COL18A1: variants seen among roughly 807,000 people sequenced by gnomAD.
COL18A1 encodes collagen type XVIII alpha 1 chain, also known as collagen alpha-1(XVIII) chain.
A neutral mutation model predicts 168.0 loss-of-function variants in COL18A1; 133 were observed. The observed-to-expected ratio is 0.79, with a 90% CI of 0.69 to 0.91. The LOEUF (loss-of-function observed/expected upper bound fraction) is 0.91. Among genes scored for constraint, COL18A1 ranks in the 40% least tolerant of loss-of-function variants. COL18A1 has a pLI of 0.00. For synonymous variants in COL18A1, 949 were observed against 809.0 expected (o/e 1.17, Z -2.94); for missense variants, 2,126 against 1,925.4 (o/e 1.10, Z -1.95).
intron 15 of COL18A1, among the ~76,000 whole-genome samples, chr21:45,484,232 G>GTACACA (rs2036011603): frequency 8.3e-6 from 1 of 120,340 alleles, no homozygotes; most frequent in African/African-American, 3.3e-5. Flanking sequence ...CAGCATATGT[G>GTACACA]CACACACACC....
chr21:45,496,511 C>T lies in COL18A1; in HGVS notation c.2520C>T (p.Gly840=), dbSNP rs756624877. 9 of 1,464,750 alleles carry T rather than the reference C, an allele frequency of 6.1e-6. No individual in the cohort carries two copies. Among genetic ancestry groups the T allele is most frequent in the Admixed American group, 3.3e-5 (2 of 59,830 alleles). The allele number at this position is 1,464,750 out of a possible 1,614,324, so 90.7% of individuals were successfully genotyped here. ...TGCCCTCCCCACAGGGAATGCCCGG[C>T]CCCCCAGGACCTCCAGGGCCCCCAG... The part of the protein sequence containing the change: ...SLGFGMRGMP[G]PPGPPGPPGP... Residue 840 remains glycine, a synonymous_variant, in exon 30 of 42, where the codon GGC becomes GGT. Coordinates refer to ENST00000651438, the MANE Select transcript of COL18A1 (RefSeq NM_001379500.1).
chr21:45,431,354 C>T (rs1401045842), intron 2 of COL18A1, among the ~76,000 whole-genome samples: 2 of 149,452 alleles, frequency 1.3e-5, no homozygotes, highest in Non-Finnish European at 3.0e-5. Flanking sequence ...CCCGGCGGCC[C>T]AGGGGAGGGG....
At position 45,457,674 on chromosome 21, in the gene COL18A1, C is replaced by G. The variant is rs2034887937; in HGVS notation, c.107-10568C>G. Among the ~76,000 whole-genome samples, 1 of 152,212 alleles carries G rather than the reference C, an allele frequency of 6.6e-6. No individual in the cohort carries two copies. Among genetic ancestry groups the G allele is most frequent in the Non-Finnish European group, 1.5e-5 (1 of 68,038 alleles). ...ACGGGGCCCCTGAGCTGTGCCTGCCCCATTCAGATTCTGCTTGCTATGTGC... is the reference window on the plus strand; with the variant it reads ...ACGGGGCCCCTGAGCTGTGCCTGCCGCATTCAGATTCTGCTTGCTATGTGC... On this transcript the variant is annotated intron_variant, in intron 2 of 41. Transcript: ENST00000651438. This position sits in a 1 kb window ranked among gnomAD's most constrained non-coding sequence, Gnocchi z 4.6.
intron 2 of COL18A1, chr21:45,407,973 T>TCCCG (rs2033168894): frequency 6.6e-6 from 1 of 152,388 alleles, no homozygotes; most frequent in African/African-American, 2.4e-5. Context: ...CGAGAGACCC[T>TCCCG]CCCGCGTAGA....
intron 2 of COL18A1, among the ~76,000 whole-genome samples, chr21:45,441,704 C>T (rs1442663943): frequency 1.3e-5 from 2 of 152,054 alleles, no homozygotes; most frequent in Non-Finnish European, 2.9e-5. Context: ...CAACAGGTCT[C>T]CTCTGAGCAG....
chr21:45,456,747 C>T (rs1215926325), intron 2 of COL18A1: 2 of 1,538,252 alleles, frequency 1.3e-6, no homozygotes, highest in Non-Finnish European at 1.7e-6. Flanking sequence ...CCCGCCCCGC[C>T]ACCCTGCTGC....
chr21:45,511,672 C>T (rs927767462), intron 41 of COL18A1, among the ~76,000 whole-genome samples: 2 of 152,116 alleles, frequency 1.3e-5, no homozygotes, highest in African/African-American at 4.8e-5. Flanking sequence ...GTGCCCTCCC[C>T]ACGTGAGCGC....
chr21:45,418,741 C>A (rs11089002), intron 2 of COL18A1, among the ~76,000 whole-genome samples: 46,664 of 115,196 alleles, frequency 0.41, 6,987 homozygotes, highest in Middle Eastern at 0.52. Flanking sequence ...GGTCTCAGGG[C>A]AGCGGCACCT....
intron 22 of COL18A1, among the ~76,000 whole-genome samples, chr21:45,492,238 G>A (rs1472683910): frequency 6.6e-6 from 1 of 152,164 alleles, no homozygotes; most frequent in African/African-American, 2.4e-5. Flanking sequence ...AAAGCCTCCC[G>A]TAGGCCGAGC....
intron 29 of COL18A1, 149 bp downstream of exon 29, chr21:45,495,581 C>T (rs2036501012): frequency 1.5e-6 from 1 of 664,394 alleles, no homozygotes; most frequent in African/African-American, 2.2e-5. Flanking sequence ...ATGCCATACC[C>T]ATGCACAGTC....
In COL18A1 at chr21:45,471,055, C is replaced by T. The variant is rs1379352650; in HGVS notation, c.651+2269C>T. On this transcript the variant is annotated intron_variant, in intron 3 of 41. Coordinates refer to ENST00000651438, the MANE Select transcript of COL18A1 (RefSeq NM_001379500.1). The surrounding 1 kb of genome is among the most constrained non-coding windows in gnomAD (Gnocchi z 4.4). Reference sequence around the variant, plus strand: ...GCTGCTGGGTGTGGGTGGCGCGCTACGGGCCTTGTGCTGCTGGGCCTGGGT... The same window carrying T: ...GCTGCTGGGTGTGGGTGGCGCGCTATGGGCCTTGTGCTGCTGGGCCTGGGT... 7.5e-5 allele frequency among the ~76,000 whole-genome samples: 11 copies of T among 146,150 alleles called. No individual in the cohort carries two copies. The highest frequency in any genetic ancestry group is 6.5e-4 in the South Asian group (3 of 4,624).
chr21:45,432,346 C>T (rs1007641600), intron 2 of COL18A1, among the ~76,000 whole-genome samples: 7 of 152,316 alleles, frequency 4.6e-5, no homozygotes, highest in African/African-American at 1.4e-4. Context: ...AGGGACCCCC[C>T]ACTTCATGTT....
intron 29 of COL18A1, chr21:45,496,237 C>T (rs2036539396): frequency 7.4e-6 from 5 of 673,548 alleles, no homozygotes; most frequent in Non-Finnish European, 1.4e-5. Flanking sequence ...CACCTTTTTA[C>T]CTGAGACGCA....
In COL18A1 at chr21:45,505,246, G is replaced by GCCCCCCC; in HGVS notation, c.2981_2982insCCCCCCC (p.Ser997AlafsTer92). 4 of 1,605,420 alleles carry GCCCCCCC rather than the reference G, an allele frequency of 2.5e-6. No individual in the cohort carries two copies. The highest frequency in any genetic ancestry group is 2.7e-5 in the African/African-American group (2 of 74,896). On this transcript the variant is annotated frameshift_variant, in exon 35 of 42. Coordinates refer to ENST00000651438, the MANE Select transcript of COL18A1 (RefSeq NM_001379500.1). LOFTEE classifies it high-confidence loss of function. The stretch of plus-strand genomic sequence containing the variant: ...CCTCCCGGCCCCCCAGGCCCCCCAG[G>GCCCCCCC]GCCCCCTTCATTTCCTGGCCCTCAC...
chr21:45,430,651 T>G (rs970625671), intron 2 of COL18A1, among the ~76,000 whole-genome samples: 2 of 152,198 alleles, frequency 1.3e-5, no homozygotes, highest in Non-Finnish European at 2.9e-5. Context: ...CCCAAGAATG[T>G]GGAGATGGCG....
chr21:45,503,457 TA>T (rs1308734757), intron 32 of COL18A1, among the ~76,000 whole-genome samples: 1 of 152,048 alleles, frequency 6.6e-6, no homozygotes, highest in Non-Finnish European at 1.5e-5. Context: ...TACGCAGCCA[TA>T]AAAAATGATG....
In COL18A1 at chr21:45,462,054, G is replaced by GT. The variant is rs538279269; in HGVS notation, c.107-6178dup. On this transcript the variant is annotated intron_variant, in intron 2 of 41. Transcript: ENST00000651438. The stretch of plus-strand genomic sequence containing the variant: ...CTGGATATAGGACTCTTGGTTAACA[G>GT]TTTTTTTTTTCTTTTAGTACATTGA... 6.3e-4 allele frequency among the ~76,000 whole-genome samples: 94 copies of GT among 150,146 alleles called. 1 individual carries two copies. Among genetic ancestry groups the GT allele is most frequent in the African/African-American group, 1.7e-3 (68 of 40,980 alleles).
Position 45,510,060 on chromosome 21 carries a change from G to C in COL18A1, c.3496-4G>C. The stretch of plus-strand genomic sequence containing the variant: ...CAGCCCGTGACGCGCCCCTCTCCCC[G>C]CAGCTCCACCTGGTTGCGCTCAACA... On this transcript the variant is annotated splice_region_variant and splice_polypyrimidine_tract_variant and intron_variant, in intron 39 of 41. Coordinates refer to ENST00000651438, the MANE Select transcript of COL18A1 (RefSeq NM_001379500.1). 2.6e-6 allele frequency: 4 copies of C among 1,555,828 alleles called. No individual in the cohort carries two copies. The highest frequency in any genetic ancestry group is 3.5e-6 in the Non-Finnish European group (4 of 1,156,058).
At chr21:45,510,980 CCACA>C in intron 40 of COL18A1, 127 bp from the exon 41 acceptor site, 1 of 23,526 alleles carries the variant, frequency 4.3e-5, no homozygotes. Context: ...CAAACACCCC[CCACA>C]CCCCACACAC....
Sources: allele counts gnomAD v4.1 joint callset (sites outside exome capture counted in the v4.1 genomes callset), GRCh38; gene constraint gnomAD v4.1.1; non-coding constraint Gnocchi (gnomAD v3.1); transcripts MANE v1.5; gene names NCBI Gene and HGNC (gene_info 2026-07-23, HGNC 2026-07-21).